The following RBMS3 variants were observed in gnomAD, a reference collection of about 807,000 sequenced individuals.
RBMS3 encodes the protein RNA binding motif single stranded interacting protein 3.
A neutral mutation model predicts 66.8 loss-of-function variants in RBMS3; 27 were observed. The observed-to-expected ratio is 0.40, with a 90% CI of 0.30 to 0.56. RBMS3 has a LOEUF of 0.56. Ranked by LOEUF, RBMS3 falls within the 20% of genes least tolerant of loss-of-function variation. The pLI is 0.40. For missense variants in RBMS3, 513 were observed against 549.5 expected (o/e 0.93, Z 0.66); for synonymous variants, 188 against 183.0 (o/e 1.03, Z -0.22).
intron 3 of RBMS3, among the ~76,000 whole-genome samples, chr3:29,521,531 A>G (rs936838212): frequency 6.6e-6 from 1 of 152,162 alleles, no homozygotes; most frequent in African/African-American, 2.4e-5. Context: ...GAAAAATCTC[A>G]CTGTTACTGG....
chr3:29,971,950 C>T (rs1398227476), intron 12 of RBMS3, among the ~76,000 whole-genome samples: 1 of 152,096 alleles, frequency 6.6e-6, no homozygotes, highest in Non-Finnish European at 1.5e-5. Flanking sequence ...CAAGAAAATG[C>T]TCTTAACTGT....
intron 10 of RBMS3, among the ~76,000 whole-genome samples, chr3:29,904,696 C>T (rs1279265811): frequency 1.3e-5 from 2 of 151,896 alleles, no homozygotes; most frequent in African/African-American, 4.8e-5. Context: ...TTTTCTTTCT[C>T]CATAACCTCA....
intron 4 of RBMS3, among the ~76,000 whole-genome samples, chr3:29,701,683 G>A (rs553897972): frequency 4.6e-5 from 7 of 152,162 alleles, no homozygotes; most frequent in East Asian, 1.9e-4. Flanking sequence ...GCTGGCCGGC[G>A]CCACCGGCCT....
intron 1 of RBMS3, among the ~76,000 whole-genome samples, chr3:29,431,441 T>C (rs968557992): frequency 6.6e-6 from 1 of 151,800 alleles, no homozygotes; most frequent in Non-Finnish European, 1.5e-5. Context: ...TATAGGCACA[T>C]ACCACCATGC....
At chr3:29,988,768 G>C (rs937274061) in intron 13 of RBMS3, among the ~76,000 whole-genome samples, 2 of 151,840 alleles carry the variant, frequency 1.3e-5, no homozygotes, top group Non-Finnish European at 2.9e-5. Context: ...CTGTCAGAAG[G>C]AAGATCAGAA....
chr3:29,586,555 A>C (rs2047526454), intron 3 of RBMS3, among the ~76,000 whole-genome samples: 1 of 152,184 alleles, frequency 6.6e-6, no homozygotes, highest in African/African-American at 2.4e-5. Context: ...ATGGAAGAGC[A>C]TGGGCTTAGT....
chr3:29,770,427 A>G (rs73045909), intron 6 of RBMS3, among the ~76,000 whole-genome samples: 17,324 of 151,852 alleles, frequency 0.11, 1,289 homozygotes, highest in African/African-American at 0.2. Context: ...TATTTTTTCT[A>G]TAGTTACATA....
chr3:29,305,709 C>G (rs765320086), intron 1 of RBMS3, among the ~76,000 whole-genome samples: 4 of 151,940 alleles, frequency 2.6e-5, no homozygotes, highest in Non-Finnish European at 5.9e-5. Context: ...TTTACCTGAG[C>G]ATGAAATCAA....
At chr3:29,341,239 A>C (rs915420369) in intron 1 of RBMS3, among the ~76,000 whole-genome samples, 5 of 152,148 alleles carry the variant, frequency 3.3e-5, no homozygotes, top group Non-Finnish European at 5.9e-5. Context: ...AATTGCATAC[A>C]AAATTATGAA....
intron 2 of RBMS3, among the ~76,000 whole-genome samples, chr3:29,476,391 C>A (rs2042948482): frequency 1.3e-5 from 2 of 152,194 alleles, no homozygotes; most frequent in Non-Finnish European, 2.9e-5. Context: ...ATACATTTTA[C>A]ATAGAATTTT....
intron 6 of RBMS3, among the ~76,000 whole-genome samples, chr3:29,786,508 T>G (rs1179061318): frequency 1.3e-5 from 2 of 152,032 alleles, no homozygotes; most frequent in African/African-American, 4.8e-5. Context: ...CATAGACCAA[T>G]GGAACAGAAT....
intron 1 of RBMS3, among the ~76,000 whole-genome samples, chr3:29,364,618 AT>A (rs1418238972): frequency 6.6e-6 from 1 of 152,130 alleles, no homozygotes; most frequent in Non-Finnish European, 1.5e-5. Context: ...CATACTTTAC[AT>A]TTTCCCATCT....
chr3:29,950,764 C>T (rs1419469839), intron 12 of RBMS3, among the ~76,000 whole-genome samples: 2 of 151,912 alleles, frequency 1.3e-5, no homozygotes, highest in East Asian at 1.9e-4. Flanking sequence ...ATATATTACA[C>T]GAACATTTAA....
intron 4 of RBMS3, among the ~76,000 whole-genome samples, chr3:29,687,897 T>C (rs1343574317): frequency 6.6e-6 from 1 of 152,198 alleles, no homozygotes; most frequent in Non-Finnish European, 1.5e-5. Flanking sequence ...TCAAGTAGTA[T>C]AGAATGATAA....
intron 1 of RBMS3, among the ~76,000 whole-genome samples, chr3:29,303,257 A>G (rs73832019): frequency 0.029 from 4,426 of 152,186 alleles, 218 homozygotes; most frequent in African/African-American, 0.1. Flanking sequence ...TTGAGGTCAC[A>G]ACCTTCCATT....
At chr3:29,933,139 C>T (rs2061173727) in intron 10 of RBMS3, among the ~76,000 whole-genome samples, 1 of 152,160 alleles carries the variant, frequency 6.6e-6, no homozygotes, top group African/African-American at 2.4e-5. Context: ...CTATACATCT[C>T]AAGTAAACAA....
chr3:29,919,030 A>G (rs1312805169), intron 10 of RBMS3, among the ~76,000 whole-genome samples: 1 of 152,090 alleles, frequency 6.6e-6, no homozygotes, highest in East Asian at 1.9e-4. Flanking sequence ...TTATTTTTAA[A>G]ATGAGAAAAC....
rs1404132163 is a variant in RBMS3, at chr3:29,525,641, TC to T, written c.307+37145del. On this transcript the variant is annotated intron_variant, in intron 3 of 14. Transcript: ENST00000383767. The stretch of plus-strand genomic sequence containing the variant: ...TCAGTGTATTGGTTTGTAATTCCAC[TC>T]CCACTATGGCTCAATAGTACAATAT... Among the ~76,000 whole-genome samples the T allele has an allele frequency of 2.0e-5, 3 of 152,318 alleles. No individual in the cohort carries two copies. The East Asian group carries it at 5.8e-4, about 29-fold the overall frequency.
intron 4 of RBMS3, among the ~76,000 whole-genome samples, chr3:29,738,928 A>G (rs1308480915): frequency 2.6e-5 from 4 of 152,184 alleles, no homozygotes; most frequent in Admixed American, 2.6e-4. Context: ...TGTAACTTGG[A>G]TAAGTTAGGG....
Sources: gnomAD v4.1 joint callset for allele counts (sites outside exome capture counted in the v4.1 genomes callset) on GRCh38, gnomAD v4.1.1 for gene constraint, MANE v1.5 for transcripts, NCBI Gene and HGNC (gene_info 2026-07-23, HGNC 2026-07-21) for gene names.